Variants in PARP16 observed in about 807,000 individuals in gnomAD.
The protein encoded by PARP16 is poly(ADP-ribose) polymerase family member 16.
A neutral mutation model predicts 35.0 loss-of-function variants in PARP16; 31 were observed. The observed-to-expected ratio is 0.88, with a 90% CI of 0.66 to 1.19. The LOEUF (loss-of-function observed/expected upper bound fraction) is 1.19. PARP16 is among the 50% of genes most tolerant of loss of function. The probability of loss-of-function intolerance (pLI) is 0.00; values close to 1 mark genes in which losing one functional copy is unlikely to be tolerated. For missense variants in PARP16, 424 were observed against 411.2 expected (o/e 1.03, Z -0.27); for synonymous variants, 162 against 169.5 (o/e 0.96, Z 0.34).
downstream of PARP16, among the ~76,000 whole-genome samples, chr15:65,256,657 T>C (rs1228391552): frequency 1.3e-5 from 2 of 152,134 alleles, no homozygotes; most frequent in African/African-American, 4.8e-5. Flanking sequence ...TCCTCCCGTC[T>C]CGGCCTCCCA....
At chr15:65,240,290 TGGCTAGTGTGTGTGTGTGTGGTGGGGGG>T (rs929191858) in intron 3 of PARP16, among the ~76,000 whole-genome samples, 3 of 127,876 alleles carry the variant, frequency 2.3e-5, no homozygotes, top group Admixed American at 8.7e-5. Flanking sequence ...CCACCACGCC[TGGCTAGTGTGTGTGTGTGTGGTGGGGGG>T]GGCTAGTGTG....
At chr15:65,262,100 C>A (rs945396232) in intron 4 of PARP16, among the ~76,000 whole-genome samples, 68 of 150,658 alleles carry the variant, frequency 4.5e-4, no homozygotes, top group African/African-American at 1.6e-3. Context: ...TTTCTGAATT[C>A]TCTTGGAACC....
chr15:65,257,676 T>C (rs1441054370), downstream of PARP16, among the ~76,000 whole-genome samples: 17 of 146,876 alleles, frequency 1.2e-4, 1 homozygote, highest in Non-Finnish European at 4.5e-5. Flanking sequence ...GTTGTGAAAA[T>C]TAACCAGTAT....
At chr15:65,236,074 G>T (rs1043493641) in intron 3 of PARP16, among the ~76,000 whole-genome samples, 24 of 151,914 alleles carry the variant, frequency 1.6e-4, no homozygotes, top group African/African-American at 5.6e-4. Context: ...GGCCAAGCTG[G>T]TCTCAAACTC....
chr15:65,281,388 C>A (rs1034258297), intron 1 of PARP16, among the ~76,000 whole-genome samples: 3 of 152,092 alleles, frequency 2.0e-5, no homozygotes, highest in Non-Finnish European at 4.4e-5. Flanking sequence ...CAAGAGCTCC[C>A]AGTGTAAAAT....
chr15:65,235,347 TAAAAG>T (rs2088849195), intron 3 of PARP16, among the ~76,000 whole-genome samples: 1 of 151,860 alleles, frequency 6.6e-6, no homozygotes, highest in South Asian at 2.1e-4. Context: ...AAATAAAAAT[TAAAAG>T]AGAATGAGTC....
At chr15:65,267,071 A>G (rs1033097072) in intron 2 of PARP16, among the ~76,000 whole-genome samples, 4 of 151,186 alleles carry the variant, frequency 2.6e-5, no homozygotes, top group Non-Finnish European at 5.9e-5. Flanking sequence ...GTGAAACCCC[A>G]TCTCTACTAA....
chr15:65,231,498 A>G (rs1308739022), downstream of PARP16, among the ~76,000 whole-genome samples: 2 of 149,792 alleles, frequency 1.3e-5, no homozygotes, highest in Non-Finnish European at 3.0e-5. Context: ...CACCCAGGCT[A>G]AAGTGCAGGG....
rs1393507873 is a variant in PARP16 at position 65,286,258 on chromosome 15, C to A, written c.169G>T (p.Ala57Ser). ...CCAGGACAAAGCACACTCACCAGGG[C>A]TTCAAAGTCCTTACAGTCGCCGCGG... ...YARGDCKDFE[A>S]LLADASKLPN... Residue 57 changes from alanine to serine, a missense_variant, in exon 1 of 6, where the codon GCC becomes TCC. By Grantham distance (99) the Ala-to-Ser change is moderately conservative. Transcript: ENST00000649807. 3.8e-6 allele frequency: 6 copies of A among 1,578,780 alleles called. No homozygotes were observed. Among genetic ancestry groups the A allele is most frequent in the Non-Finnish European group, 5.1e-6 (6 of 1,165,702 alleles).
downstream of PARP16, among the ~76,000 whole-genome samples, chr15:65,255,525 C>T (rs1434044609): frequency 6.6e-6 from 1 of 151,944 alleles, no homozygotes; most frequent in African/African-American, 2.4e-5. Context: ...TTCCCTCCTG[C>T]CCACTCGAAC....
Position 65,263,316 on chromosome 15 carries a change from G to C in PARP16, c.524C>G (p.Ser175Cys). Reference protein sequence around the residue: ...NGLHCHLNKTSLFGEGTYLTS... With the variant: ...NGLHCHLNKTCLFGEGTYLTS... The stretch of plus-strand genomic sequence containing the variant: ...GAGGTAGGTCCCCTCTCCGAACAAG[G>C]ATGTCTGCAACAGCAAGGCCAATGG... The change falls in exon 4 of 6, where the codon TCC becomes TGC. Residue 175 changes from serine to cysteine, a missense_variant. Transcript: ENST00000649807. The C allele has an allele frequency of 1.3e-6, 2 of 1,582,732 alleles. No homozygotes were observed. Among genetic ancestry groups the C allele is most frequent in the East Asian group, 4.5e-5 (2 of 44,300 alleles).
intron 3 of PARP16, among the ~76,000 whole-genome samples, chr15:65,246,516 G>A (rs1166257334): frequency 6.6e-6 from 1 of 152,202 alleles, no homozygotes; most frequent in Non-Finnish European, 1.5e-5. Flanking sequence ...CCCATACTGG[G>A]GCTGGTCAGG....
At chr15:65,250,170 T>C (rs546740426) in intron 2 of PARP16, among the ~76,000 whole-genome samples, 83 of 139,274 alleles carry the variant, frequency 6.0e-4, no homozygotes, top group Admixed American at 1.0e-3. Context: ...CAGGCTGGAG[T>C]GCAATGGTGC....
rs1457948594 is a variant in PARP16, at chr15:65,240,307, TGTG to T, written c.*98-5487_*98-5485del. 8.5e-4 allele frequency among the ~76,000 whole-genome samples: 60 copies of T among 70,552 alleles called. 1 individual carries two copies. The highest frequency in any genetic ancestry group is 6.8e-3 in the Admixed American group (29 of 4,248). The allele number at this position is 70,552 out of a possible 152,430, so 46.3% of individuals were successfully genotyped here. ...ACCACGCCTGGCTAGTGTGTGTGTG[TGTG>T]GTGGGGGGGGCTAGTGTGTGTGTGT... On this transcript the variant is annotated intron_variant and NMD_transcript_variant, in intron 3 of 3. Transcript: ENST00000559805.
At chr15:65,253,743 T>A (rs2089423769), downstream of PARP16, among the ~76,000 whole-genome samples, 2 of 152,196 alleles carry the variant, frequency 1.3e-5, no homozygotes, top group Admixed American at 1.3e-4. Context: ...ACCTACCATA[T>A]CTTAGATACT....
At chr15:65,260,831 A>G (rs1298720653) in intron 5 of PARP16, 54 bp downstream of exon 5, 2 of 1,577,604 alleles carry the variant, frequency 1.3e-6, no homozygotes, top group African/African-American at 2.7e-5. Flanking sequence ...ACCTACAACA[A>G]CTAAGAAAGC....
At chr15:65,251,922 G>A (rs965367990) in intron 2 of PARP16, among the ~76,000 whole-genome samples, 1 of 151,922 alleles carries the variant, frequency 6.6e-6, no homozygotes, top group Admixed American at 6.6e-5. Context: ...CCACCACCCC[G>A]CCCGGCTAAT....
intron 1 of PARP16, among the ~76,000 whole-genome samples, chr15:65,278,251 C>G (rs2090315847): frequency 6.6e-6 from 1 of 152,224 alleles, no homozygotes; most frequent in Non-Finnish European, 1.5e-5. Context: ...ACCCTGAGCT[C>G]CAACTGCTTC....
intron 3 of PARP16, among the ~76,000 whole-genome samples, chr15:65,237,007 TG>T (rs1229052343): frequency 6.9e-6 from 1 of 143,902 alleles, no homozygotes; most frequent in Non-Finnish European, 1.5e-5. Context: ...AGAAAAAAGG[TG>T]TGGAAAGCTG....
Sources: allele counts gnomAD v4.1 joint callset (sites outside exome capture counted in the v4.1 genomes callset), GRCh38; gene constraint gnomAD v4.1.1; transcripts MANE v1.5; gene names NCBI Gene and HGNC (gene_info 2026-07-23, HGNC 2026-07-21).